Variants in PI15 observed in about 807,000 individuals in gnomAD.
PI15 encodes 25 kDa trypsin inhibitor.
PI15 carries 18 observed loss-of-function variants against 31.0 expected under a neutral mutation model. The ratio of observed to expected loss-of-function variants is 0.58; its 90% CI spans 0.40 to 0.86. PI15 has a LOEUF of 0.86. PI15 is among the 40% of genes least tolerant of loss of function. PI15 has a pLI of 0.00. For synonymous variants in PI15, 118 were observed against 119.1 expected (o/e 0.99, Z 0.06); for missense variants, 282 against 328.1 (o/e 0.86, Z 1.09).
In PI15 at chr8:74,843,701, G is replaced by A. The variant is rs562753810; in HGVS notation, c.274-280G>A. ...CAACATGGTGAAACCCTATCACTAC[G>A]AAAAATACAAAAATTAGCTGGGCAT... On this transcript the variant is annotated intron_variant, in intron 2 of 5. Transcript: ENST00000260113. Among the ~76,000 whole-genome samples the A allele has an allele frequency of 1.2e-3, 187 of 152,032 alleles. 2 individuals are homozygous for A. Among genetic ancestry groups the A allele is most frequent in the African/African-American group, 3.8e-3 (156 of 41,484 alleles).
At chr8:74,829,770 G>T (rs1202099413) in intron 2 of PI15, among the ~76,000 whole-genome samples, 7 of 152,026 alleles carry the variant, frequency 4.6e-5, no homozygotes, top group Non-Finnish European at 2.9e-5. Flanking sequence ...AGTTGAAGAA[G>T]GGAGCGATAA....
In PI15 at chr8:74,825,532, A is replaced by ATT; in HGVS notation, c.273+11_273+12dup. ...AAATATGGAATATATGGTAAGAAGA[A>ATT]TTCTTTTTTTTTTTTTTAAGTTCTG... On this transcript the variant is annotated intron_variant, in intron 2 of 5. Transcript: ENST00000260113. The ATT allele has an allele frequency of 6.5e-7, 1 of 1,537,038 alleles. No homozygotes were observed.
Position 74,852,140 on chromosome 8 carries a change from T to A in PI15, c.*2887T>A, listed in dbSNP as rs537590099. On this transcript the variant is annotated 3_prime_UTR_variant, in exon 6 of 6. Transcript: ENST00000260113. ...CTATTTCATAAAAGCAGCTTTAAAT[T>A]GTCAGTATTAAGGTTTTCATGTGGA... 12 of 152,502 alleles carry A rather than the reference T, an allele frequency of 7.9e-5. No homozygotes were observed. In the East Asian group the frequency reaches 2.1e-3, roughly 27 times the overall value. The allele number at this position is 152,502 out of a possible 1,614,324, so 9.4% of individuals were successfully genotyped here.
Position 74,849,218 on chromosome 8 carries a change from G to A in PI15, c.742G>A (p.Gly248Arg), listed in dbSNP as rs1447280095. The change falls in exon 6 of 6, where the codon GGA (glycine) becomes AGA (arginine). Residue 248 changes from glycine (G) to arginine (R), a missense_variant. Gly to Arg is a moderately radical substitution (Grantham distance 125). Transcript: ENST00000260113. Reference sequence around the variant, plus strand: ...TTGTACTGACAATCTGTGTTTTCCAGGAGTTACGTCAAACTACCTGTACTG... The same window carrying A: ...TTGTACTGACAATCTGTGTTTTCCAAGAGTTACGTCAAACTACCTGTACTG... ...GSCTDNLCFP[G>R]VTSNYLYWFK 1.2e-6 allele frequency: 2 copies of A among 1,613,002 alleles called. No individual in the cohort carries two copies. Among genetic ancestry groups the A allele is most frequent in the Non-Finnish European group, 1.7e-6 (2 of 1,179,274 alleles).
At chr8:74,826,695 C>A (rs1810704570) in intron 2 of PI15, among the ~76,000 whole-genome samples, 1 of 151,970 alleles carries the variant, frequency 6.6e-6, no homozygotes, top group South Asian at 2.1e-4. Flanking sequence ...GAATCCTAGT[C>A]CTGAAGTATA....
chr8:74,829,831 T>C (rs964351630), intron 2 of PI15, among the ~76,000 whole-genome samples: 5 of 151,974 alleles, frequency 3.3e-5, no homozygotes, highest in Non-Finnish European at 5.9e-5. Flanking sequence ...GCATGTGAAA[T>C]AGATGCCCAG....
In PI15 at chr8:74,829,262, A is replaced by C. The variant is rs151092527; in HGVS notation, c.273+3740A>C. On this transcript the variant is annotated intron_variant, in intron 2 of 5. Transcript: ENST00000260113. ...CATTTATAATGATATTTGATTCCAC[A>C]CCTGAATTAAAAAGTTTTTCTTAAA... Among the ~76,000 whole-genome samples, 1,099 of 152,230 alleles carry C rather than the reference A, an allele frequency of 7.2e-3. 11 individuals carry two copies. The highest frequency in any genetic ancestry group is 0.024 in the African/African-American group (1,015 of 41,554).
chr8:74,829,960 C>T (rs1325311797), intron 2 of PI15, among the ~76,000 whole-genome samples: 2 of 152,030 alleles, frequency 1.3e-5, no homozygotes, highest in African/African-American at 2.4e-5. Flanking sequence ...GTTGAGGATT[C>T]CTTACTCCAA....
intron 5 of PI15, chr8:74,845,907 T>C (rs188660154): frequency 1.3e-5 from 2 of 158,964 alleles, no homozygotes; most frequent in Admixed American, 1.2e-4. Context: ...AGTCAATTCC[T>C]TCTTCCTTCT....
Position 74,845,211 on chromosome 8 carries a change from C to T in PI15, c.476C>T (p.Pro159Leu). Reference protein sequence around the residue: ...YAFPYPQDCNPRCPMRCFGPM... With the variant: ...YAFPYPQDCNLRCPMRCFGPM... ...TTTCCATATCCCCAGGATTGCAACCCCAGATGTCCTATGAGATGTTTTGGT... is the reference window on the plus strand; with the variant it reads ...TTTCCATATCCCCAGGATTGCAACCTCAGATGTCCTATGAGATGTTTTGGT... The change falls in exon 4 of 6, where the codon CCC becomes CTC. Residue 159 changes from proline to leucine, a missense_variant. Physicochemically the swap from Pro to Leu is moderately conservative, Grantham distance 98. Coordinates refer to ENST00000260113, the MANE Select transcript of PI15 (RefSeq NM_015886.5). 6.2e-7 allele frequency: 1 copy of T among 1,613,228 alleles called. No homozygotes were observed. Among genetic ancestry groups the T allele is most frequent in the Non-Finnish European group, 8.5e-7 (1 of 1,179,192 alleles).
intron 2 of PI15, among the ~76,000 whole-genome samples, 169 bp from the exon 3 acceptor site, chr8:74,843,812 C>T (rs111875262): frequency 8.5e-5 from 13 of 152,144 alleles, no homozygotes; most frequent in African/African-American, 2.9e-4. Flanking sequence ...TTTCAGTGAT[C>T]CATGATTGCA....
At chr8:74,846,189 AGTCT>A (rs1811022962) in intron 5 of PI15, among the ~76,000 whole-genome samples, 1 of 152,240 alleles carries the variant, frequency 6.6e-6, no homozygotes, top group Admixed American at 6.5e-5. Flanking sequence ...TTCCAAAATA[AGTCT>A]CAAACAAAGA....
chr8:74,845,776 AT>A, intron 5 of PI15: 1 of 388,004 alleles, frequency 2.6e-6, no homozygotes, highest in Non-Finnish European at 4.7e-6. Flanking sequence ...CAATTGTAAA[AT>A]AAACACTGTA....
intron 2 of PI15, among the ~76,000 whole-genome samples, chr8:74,830,018 G>C (rs998948381): frequency 2.0e-5 from 3 of 152,122 alleles, no homozygotes; most frequent in Non-Finnish European, 4.4e-5. Flanking sequence ...TTAGGGATGC[G>C]TTTTAGAAAG....
At chr8:74,841,630 T>C (rs1810947662) in intron 2 of PI15, among the ~76,000 whole-genome samples, 1 of 152,262 alleles carries the variant, frequency 6.6e-6, no homozygotes, top group Non-Finnish European at 1.5e-5. Context: ...AAAGTAACTA[T>C]AATTTGTTAA....
chr8:74,828,863 G>T (rs1445031681), intron 2 of PI15, among the ~76,000 whole-genome samples: 1 of 151,940 alleles, frequency 6.6e-6, no homozygotes, highest in East Asian at 1.9e-4. Flanking sequence ...TCCCTCTAAA[G>T]TCTCTTCCTT....
intron 2 of PI15, among the ~76,000 whole-genome samples, chr8:74,835,429 G>C (rs967622383): frequency 3.0e-4 from 45 of 152,102 alleles, no homozygotes; most frequent in African/African-American, 1.1e-3. Context: ...TATTTCCCTG[G>C]TGAGAACCCT....
intron 2 of PI15, among the ~76,000 whole-genome samples, chr8:74,834,004 G>C (rs975610082): frequency 6.6e-6 from 1 of 152,114 alleles, no homozygotes; most frequent in Non-Finnish European, 1.5e-5. Flanking sequence ...ACTGTGAACT[G>C]TGCATGAGAA....
intron 2 of PI15, among the ~76,000 whole-genome samples, chr8:74,839,013 T>A (rs894337157): frequency 2.0e-4 from 30 of 152,238 alleles, no homozygotes; most frequent in Non-Finnish European, 3.8e-4. Context: ...CTTATGGAAG[T>A]CCGCAACCTT....
Sources: gnomAD v4.1 joint callset for allele counts (sites outside exome capture counted in the v4.1 genomes callset) on GRCh38, gnomAD v4.1.1 for gene constraint, MANE v1.5 for transcripts, NCBI Gene and HGNC (gene_info 2026-07-23, HGNC 2026-07-21) for gene names.